Variants in SFSWAP observed in about 807,000 individuals in gnomAD.
The protein encoded by SFSWAP is splicing factor SWAP, also known as splicing factor, suppressor of white-apricot homolog.
Under a neutral mutation model 100.7 loss-of-function variants are expected in SFSWAP, and 17 were observed. The ratio of observed to expected loss-of-function variants is 0.17; its 90% confidence interval spans 0.12 to 0.25. The LOEUF (loss-of-function observed/expected upper bound fraction) is 0.25, where lower values mean the gene tolerates loss of function less well. Among genes scored for constraint, SFSWAP ranks in the 10% least tolerant of loss-of-function variants. The probability of loss-of-function intolerance (pLI) is 1.00; values close to 1 mark genes in which losing one functional copy is unlikely to be tolerated. For synonymous variants in SFSWAP, 504 were observed against 510.1 expected, an observed-to-expected ratio of 0.99 and a Z score of 0.16; for missense variants, 1,005 against 1,262.6, an observed-to-expected ratio of 0.80 and a Z score of 3.09.
At chr12:131,748,541 C>T (rs1318928644) in intron 7 of SFSWAP, among the ~76,000 whole-genome samples, 1 of 152,224 alleles carries the variant, frequency 6.6e-6, no homozygotes, top group Non-Finnish European at 1.5e-5. Context: ...AATCTCCTCT[C>T]TAAGAACCTT....
At chr12:131,763,981 C>G (rs906693563) in intron 11 of SFSWAP, among the ~76,000 whole-genome samples, 2 of 152,024 alleles carry the variant, frequency 1.3e-5, no homozygotes, top group Non-Finnish European at 1.5e-5. Flanking sequence ...AAAAATTTAG[C>G]CAGGCATGGC....
chr12:131,754,578 C>T lies in SFSWAP; in HGVS notation c.1454+79C>T, dbSNP rs927379602. On this transcript the variant is annotated intron_variant, in intron 9 of 17. Coordinates refer to ENST00000261674, the MANE Select transcript of SFSWAP (RefSeq NM_004592.4). Reference sequence around the variant, plus strand: ...GCCTTTTTTTAAAAAAATGTAGGTACAGAATTAATTTTTTTATATATTTTT... The same window carrying T: ...GCCTTTTTTTAAAAAAATGTAGGTATAGAATTAATTTTTTTATATATTTTT... 6 of 704,054 alleles carry T rather than the reference C, an allele frequency of 8.5e-6. No homozygotes were observed. In the Admixed American group the frequency reaches 1.2e-4, roughly 14 times the overall value. 43.6% of individuals were successfully genotyped at this position (704,054 alleles called of 1,614,324 possible).
At position 131,711,106 on chromosome 12, in the gene SFSWAP, T is replaced by C. The variant is rs996809287; in HGVS notation, c.-124T>C. The C allele has an allele frequency of 1.3e-6, 1 of 753,836 alleles. No homozygotes were observed. Among genetic ancestry groups the C allele is most frequent in the Non-Finnish European group, 2.1e-6 (1 of 481,496 alleles). The allele number at this position is 753,836 out of a possible 1,614,324, so 46.7% of individuals were successfully genotyped here. On this transcript the variant is annotated 5_prime_UTR_variant, in exon 1 of 18. An upstream start codon of the reference 5' UTR is lost. Coordinates refer to ENST00000261674, the MANE Select transcript of SFSWAP (RefSeq NM_004592.4). This position sits in a 1 kb window ranked among gnomAD's most constrained non-coding sequence, Gnocchi z 4.9. ...CCCTCCACCATTTTGTGGCCCGCTA[T>C]GGCGGCGGTGTTGAGGTTGGGTACG...
chr12:131,731,974 A>G (rs1224979076), intron 7 of SFSWAP, among the ~76,000 whole-genome samples: 2 of 135,258 alleles, frequency 1.5e-5, no homozygotes, highest in Non-Finnish European at 3.0e-5. Flanking sequence ...CAGTGGTGCA[A>G]TCTCGGCTCA....
chr12:131,760,922 A>G (rs190680339), intron 11 of SFSWAP, among the ~76,000 whole-genome samples: 1 of 152,262 alleles, frequency 6.6e-6, no homozygotes, highest in African/African-American at 2.4e-5. Context: ...AAATCCAAAA[A>G]TCAGCTAGGT....
chr12:131,711,410 A>T lies in SFSWAP; in HGVS notation c.181A>T (p.Ile61Phe), dbSNP rs1486270168. 4.3e-6 allele frequency: 7 copies of T among 1,613,600 alleles called. No homozygotes were observed. The change falls in exon 1 of 18, where the codon ATC becomes TTC. Residue 61 changes from isoleucine (I) to phenylalanine (F), a missense_variant. Ile to Phe is a conservative substitution (Grantham distance 21, BLOSUM62 0). This residue lies in a region of SFSWAP where 237 missense variants were observed against 337.0 expected (regional missense o/e 0.70). Transcript: ENST00000261674. This position sits in a 1 kb window ranked among gnomAD's most constrained non-coding sequence, Gnocchi z 4.9. ...GGCTCAGGAACAGGGACAGCACCTCATCCCCTGGATGGGGGACCACAAGAT... is the reference window on the plus strand; with the variant it reads ...GGCTCAGGAACAGGGACAGCACCTCTTCCCCTGGATGGGGGACCACAAGAT... Reference protein sequence around the residue: ...ALAQEQGQHLIPWMGDHKILI... With the variant: ...ALAQEQGQHLFPWMGDHKILI...
intron 4 of SFSWAP, among the ~76,000 whole-genome samples, chr12:131,723,014 A>G (rs1297721258): frequency 6.6e-6 from 1 of 152,232 alleles, no homozygotes; most frequent in African/African-American, 2.4e-5. Context: ...GTTAAAGTTT[A>G]GAAAGTTAAG....
At chr12:131,749,940 G>T (rs1293894478) in intron 7 of SFSWAP, among the ~76,000 whole-genome samples, 1 of 152,216 alleles carries the variant, frequency 6.6e-6, no homozygotes. Context: ...CCCGAAAGAG[G>T]TGGCACTGGA....
At chr12:131,777,291 G>A (rs907985012) in intron 13 of SFSWAP, among the ~76,000 whole-genome samples, 6 of 151,758 alleles carry the variant, frequency 4.0e-5, no homozygotes, top group South Asian at 2.1e-4. Context: ...ATCCCTCCCC[G>A]CTCACCCCAC....
At chr12:131,735,498 A>G (rs1879920272) in intron 7 of SFSWAP, among the ~76,000 whole-genome samples, 1 of 152,220 alleles carries the variant, frequency 6.6e-6, no homozygotes, top group African/African-American at 2.4e-5. Flanking sequence ...AACAGATGAT[A>G]AAGGGAAGAC....
chr12:131,746,144 C>T (rs926589413), intron 7 of SFSWAP, among the ~76,000 whole-genome samples: 4 of 152,210 alleles, frequency 2.6e-5, no homozygotes, highest in Non-Finnish European at 5.9e-5. Context: ...GAGGAGATCT[C>T]AGGTGAGTAT....
chr12:131,783,421 G>C (rs1884641958), intron 14 of SFSWAP: 1 of 151,980 alleles, frequency 6.6e-6, no homozygotes. Context: ...AGTTAGCCTG[G>C]GCTTCTGGGA....
At chr12:131,798,427 C>T (rs960687762) in intron 16 of SFSWAP, among the ~76,000 whole-genome samples, 3 of 152,164 alleles carry the variant, frequency 2.0e-5, no homozygotes, top group Admixed American at 1.3e-4. Context: ...CAGCCAAGGC[C>T]GTGGTTCTGG....
intron 7 of SFSWAP, among the ~76,000 whole-genome samples, chr12:131,740,448 G>A (rs961421015): frequency 6.6e-5 from 10 of 152,114 alleles, no homozygotes; most frequent in Admixed American, 1.3e-4. Context: ...TAACTTAATT[G>A]CCCATTTTTC....
chr12:131,735,128 G>A (rs1011984544), intron 7 of SFSWAP, among the ~76,000 whole-genome samples: 1 of 152,198 alleles, frequency 6.6e-6, no homozygotes. Flanking sequence ...CAAGTATCTG[G>A]GTCTGGGGGA....
intron 3 of SFSWAP, among the ~76,000 whole-genome samples, chr12:131,716,769 G>A (rs1411973518): frequency 1.3e-5 from 2 of 152,134 alleles, no homozygotes; most frequent in African/African-American, 4.8e-5. Flanking sequence ...TATTAATACT[G>A]TCTGGCATTT....
chr12:131,720,999 G>A (rs991271057), intron 4 of SFSWAP, among the ~76,000 whole-genome samples: 1 of 152,194 alleles, frequency 6.6e-6, no homozygotes, highest in African/African-American at 2.4e-5. Flanking sequence ...TGCTTCTGGG[G>A]AGGCCTCAGG....
At position 131,733,476 on chromosome 12, in the gene SFSWAP, C is replaced by G. The variant is rs1394351345; in HGVS notation, c.1081+5048C>G. On this transcript the variant is annotated intron_variant, in intron 7 of 17. Coordinates refer to ENST00000261674, the MANE Select transcript of SFSWAP (RefSeq NM_004592.4). The surrounding 1 kb of genome is among the most constrained non-coding windows in gnomAD (Gnocchi z 5.1). ...CCTGAGAGCCAGGCAGCGACGCTGC[C>G]TGCACTGCCCCACCGCTCAGAGGGC... 6.6e-6 allele frequency among the ~76,000 whole-genome samples: 1 copy of G among 152,144 alleles called. No individual in the cohort carries two copies. Among genetic ancestry groups the G allele is most frequent in the Non-Finnish European group, 1.5e-5 (1 of 68,032 alleles).
At chr12:131,793,678 G>A (rs1181329530) in intron 15 of SFSWAP, among the ~76,000 whole-genome samples, 1 of 152,152 alleles carries the variant, frequency 6.6e-6, no homozygotes, top group African/African-American at 2.4e-5. Flanking sequence ...CAGGCCGCAG[G>A]CTTTGCTGCA....
Sources: gnomAD v4.1 joint callset for allele counts (sites outside exome capture counted in the v4.1 genomes callset) on GRCh38, gnomAD v4.1.1 for gene constraint, gnomAD v4.1.1 regional missense constraint, Gnocchi (gnomAD v3.1) non-coding constraint, MANE v1.5 for transcripts, NCBI Gene and HGNC (gene_info 2026-07-23, HGNC 2026-07-21) for gene names.